Variants in LYN observed in about 807,000 individuals in gnomAD.
The protein encoded by LYN is LYN proto-oncogene, Src family tyrosine kinase.
LYN carries 12 observed loss-of-function variants against 65.0 expected under a neutral mutation model. That is an observed-to-expected ratio of 0.18 (90% CI 0.12 to 0.30). The LOEUF (loss-of-function observed/expected upper bound fraction) is 0.30. Among genes scored for constraint, LYN ranks in the 10% least tolerant of loss-of-function variants. The pLI is 1.00. For missense variants in LYN, 380 were observed against 623.2 expected, an observed-to-expected ratio of 0.61 and a Z score of 4.16; for synonymous variants, 222 against 221.2, an observed-to-expected ratio of 1.00 and a Z score of -0.03.
chr8:55,977,950 C>T (rs1420144455), intron 10 of LYN, among the ~76,000 whole-genome samples: 13 of 151,978 alleles, frequency 8.6e-5, no homozygotes, highest in African/African-American at 2.4e-4. Flanking sequence ...AAACAGAGCT[C>T]GTCTCTAAAG....
In LYN at chr8:55,966,875, C is replaced by A. The variant is rs1282536785; in HGVS notation, c.951C>A (p.Ile317=). The A allele has an allele frequency of 6.2e-7, 1 of 1,613,984 alleles. No homozygotes were observed. Among genetic ancestry groups the A allele is most frequent in the South Asian group, 1.1e-5 (1 of 91,058 alleles). The change falls in exon 9 of 13, where the codon ATC becomes ATA. Residue 317 remains isoleucine, a synonymous_variant. Coordinates refer to ENST00000519728, the MANE Select transcript of LYN (RefSeq NM_002350.4). ...AVVTREEPIY[I]ITEYMAKGSL... ...TCACCAGGGAGGAGCCCATTTACAT[C>A]ATCACCGAGTACATGGCCAAGGGTG... is the stretch of plus-strand genomic sequence containing the variant.
intron 1 of LYN, among the ~76,000 whole-genome samples, chr8:55,914,705 C>T (rs1805736501): frequency 1.3e-5 from 2 of 152,144 alleles, no homozygotes. Context: ...CTCACCTTAC[C>T]CTTCCAGACA....
intron 10 of LYN, among the ~76,000 whole-genome samples, chr8:55,997,481 A>G (rs1808403729): frequency 6.6e-6 from 1 of 152,108 alleles, no homozygotes; most frequent in African/African-American, 2.4e-5. Context: ...ATGGCACCAT[A>G]TAGCTGTGTC....
At chr8:55,928,246 A>C (rs1407586566) in intron 1 of LYN, among the ~76,000 whole-genome samples, 2 of 152,172 alleles carry the variant, frequency 1.3e-5, no homozygotes, top group African/African-American at 4.8e-5. Flanking sequence ...CCTGAGTTCA[A>C]GTGATTCTCA....
chr8:55,916,985 T>C (rs1252441858), intron 1 of LYN, among the ~76,000 whole-genome samples: 2 of 152,000 alleles, frequency 1.3e-5, no homozygotes, highest in Admixed American at 6.6e-5. Context: ...AAGACCACCC[T>C]GGCCAACACG....
Position 55,880,042 on chromosome 8 carries a change from C to A in LYN, c.-67C>A. On this transcript the variant is annotated 5_prime_UTR_variant, in exon 1 of 13. Coordinates refer to ENST00000519728, the MANE Select transcript of LYN (RefSeq NM_002350.4). ...GTCCTGCTGGGCCGCCCCGTCGCGCCCCCCACTCTGAACTCAAGTCACCGT... is the reference window on the plus strand; with the variant it reads ...GTCCTGCTGGGCCGCCCCGTCGCGCACCCCACTCTGAACTCAAGTCACCGT... 6.4e-6 allele frequency: 2 copies of A among 313,314 alleles called. No homozygotes were observed. The highest frequency in any genetic ancestry group is 1.6e-4 in the East Asian group (1 of 6,358). The allele number at this position is 313,314 out of a possible 1,614,324, so 19.4% of individuals were successfully genotyped here.
At chr8:55,930,019 T>C (rs893650244) in intron 1 of LYN, among the ~76,000 whole-genome samples, 7 of 152,172 alleles carry the variant, frequency 4.6e-5, no homozygotes, top group South Asian at 2.1e-4. Context: ...TAGATTCTCA[T>C]AGGGGCGTGA....
rs1804618499 is a variant in LYN, at chr8:55,880,390, C to T, written c.-6+287C>T. ...CCGCGCAGGGGAGCGGTGGGAGGTG[C>T]GGGCGCGGGGGCGGGCTCACCGCGT... On this transcript the variant is annotated intron_variant, in intron 1 of 12. Coordinates refer to ENST00000519728, the MANE Select transcript of LYN (RefSeq NM_002350.4). Among the ~76,000 whole-genome samples the T allele has an allele frequency of 1.3e-5, 2 of 150,388 alleles. 1 individual carries two copies. The highest frequency in any genetic ancestry group is 4.2e-4 in the South Asian group (2 of 4,744).
intron 1 of LYN, among the ~76,000 whole-genome samples, chr8:55,911,106 C>T (rs1168668516): frequency 1.9e-3 from 2 of 1,052 alleles, no homozygotes; most frequent in African/African-American, 6.9e-3. Context: ...TATACATACA[C>T]GTATATATAC....
At chr8:55,971,673 G>A (rs973421936) in intron 10 of LYN, among the ~76,000 whole-genome samples, 1 of 152,146 alleles carries the variant, frequency 6.6e-6, no homozygotes, top group Non-Finnish European at 1.5e-5. Context: ...TGTCACATGG[G>A]TATTTTGTAT....
chr8:55,911,446 T>C (rs1227174336), intron 1 of LYN, among the ~76,000 whole-genome samples: 1 of 150,430 alleles, frequency 6.6e-6, no homozygotes, highest in Non-Finnish European at 1.5e-5. Flanking sequence ...TTTTAAAAAT[T>C]ACAAGGTTAA....
intron 7 of LYN, among the ~76,000 whole-genome samples, chr8:55,952,356 C>T (rs189188315): frequency 2.0e-5 from 3 of 151,584 alleles, no homozygotes. Context: ...GTCAGGAGTT[C>T]GAGACCAGCC....
At chr8:55,991,541 T>C (rs1808250159) in intron 10 of LYN, among the ~76,000 whole-genome samples, 1 of 152,212 alleles carries the variant, frequency 6.6e-6, no homozygotes, top group Non-Finnish European at 1.5e-5. Context: ...TATTAATATG[T>C]TCTGTGCACC....
At chr8:55,937,576 A>G (rs3968371) in intron 1 of LYN, among the ~76,000 whole-genome samples, 45,949 of 152,134 alleles carry the variant, frequency 0.3, 9,377 homozygotes, top group African/African-American at 0.59. Flanking sequence ...AACAAATTTC[A>G]AGAAGTGGAA....
intron 10 of LYN, chr8:55,980,666 C>T (rs2130551029): frequency 6.6e-6 from 1 of 152,374 alleles, no homozygotes; most frequent in African/African-American, 2.4e-5. Context: ...GGCAGCCCTG[C>T]TCCTAATGAG....
rs766955887 is a variant in LYN at position 55,966,831 on chromosome 8, G to T, written c.907G>T (p.Val303Leu). The T allele has an allele frequency of 3.1e-6, 5 of 1,614,082 alleles. No individual in the cohort carries two copies. In the Admixed American group the frequency reaches 8.3e-5, roughly 27 times the overall value. The change falls in exon 9 of 13, where the codon GTG becomes TTG. Residue 303 changes from valine (V) to leucine (L), a missense_variant. Physicochemically the swap from Val to Leu is conservative, Grantham distance 32. Coordinates refer to ENST00000519728, the MANE Select transcript of LYN (RefSeq NM_002350.4). ...GAAGACCCTGCAGCATGACAAGCTCGTGAGGCTCTACGCTGTGGTCACCAG... is the reference window on the plus strand; with the variant it reads ...GAAGACCCTGCAGCATGACAAGCTCTTGAGGCTCTACGCTGTGGTCACCAG... ...LMKTLQHDKL[V>L]RLYAVVTREE...
chr8:55,901,834 C>T (rs1805273755), intron 1 of LYN, among the ~76,000 whole-genome samples: 2 of 152,236 alleles, frequency 1.3e-5, no homozygotes, highest in Non-Finnish European at 1.5e-5. Context: ...CCTGGCTCAA[C>T]CAAAGATAAG....
chr8:55,969,757 A>G lies in LYN; in HGVS notation c.1014A>G (p.Lys338=), dbSNP rs367963424. ...TCCTGAAGAGCGATGAAGGTGGCAA[A>G]GTGCTGCTTCCAAAGCTCATTGACT... ...LDFLKSDEGG[K]VLLPKLIDFS... is the part of the protein sequence containing the mutation. Residue 338 remains lysine (K), a synonymous_variant, in exon 10 of 13, where the codon AAA becomes AAG. Transcript: ENST00000519728. 1.1e-4 allele frequency: 175 copies of G among 1,614,192 alleles called. No homozygotes were observed. The South Asian group carries it at 1.8e-3, about 16-fold the overall frequency.
At chr8:55,893,808 T>TA (rs397787744) in intron 1 of LYN, 1 of 152,048 alleles carries the variant, frequency 6.6e-6, no homozygotes, top group East Asian at 1.9e-4. Flanking sequence ...TGTTTTTTTT[T>TA]AGAAGCAAGA....
Sources: gnomAD v4.1 joint callset for allele counts (sites outside exome capture counted in the v4.1 genomes callset) on GRCh38, gnomAD v4.1.1 for gene constraint, MANE v1.5 for transcripts, NCBI Gene and HGNC (gene_info 2026-07-23, HGNC 2026-07-21) for gene names.